FBXW12: variants seen among roughly 807,000 people sequenced by gnomAD.
FBXW12 encodes the protein F-box and WD repeat domain containing 12, also known as F-box/WD repeat-containing protein 12.
In FBXW12, 43 loss-of-function variants were observed where a neutral mutation model predicts 55.3. That is an observed-to-expected ratio of 0.78 (90% confidence interval 0.61 to 1.00). The LOEUF (loss-of-function observed/expected upper bound fraction) is 1.00. FBXW12 is among the 50% of genes least tolerant of loss of function. The pLI, the probability that FBXW12 is intolerant of heterozygous loss-of-function variation, is 0.00. For synonymous variants in FBXW12, 184 were observed against 203.8 expected, an observed-to-expected ratio of 0.90 and a Z score of 0.83; for missense variants, 524 against 560.5, an observed-to-expected ratio of 0.93 and a Z score of 0.66.
At chr3:48,379,853 A>G (rs995149158) in intron 7 of FBXW12, 1 of 337,112 alleles carries the variant, frequency 3.0e-6, no homozygotes, top group African/African-American at 2.1e-5. Context: ...GGTGGCATGC[A>G]CCTATAGTCC....
intron 5 of FBXW12, among the ~76,000 whole-genome samples, chr3:48,376,612 G>T (rs1376746347): frequency 6.6e-6 from 1 of 152,118 alleles, no homozygotes; most frequent in African/African-American, 2.4e-5. Flanking sequence ...CTGTCAGCTT[G>T]GATTTAAAGG....
intron 10 of FBXW12, among the ~76,000 whole-genome samples, chr3:48,391,351 C>CACAT (rs2036925885): frequency 7.0e-6 from 1 of 143,092 alleles, no homozygotes; most frequent in South Asian, 2.4e-4. Context: ...CACACACACA[C>CACAT]ACACATATAT....
At chr3:48,386,948 T>TTA (rs1298099336) in intron 10 of FBXW12, among the ~76,000 whole-genome samples, 2 of 151,608 alleles carry the variant, frequency 1.3e-5, no homozygotes, top group African/African-American at 2.4e-5. Flanking sequence ...CTTCTTTTTT[T>TTA]TTTTTTTAGG....
chr3:48,379,031 CA>C (rs1249839390), intron 6 of FBXW12, among the ~76,000 whole-genome samples: 3 of 152,282 alleles, frequency 2.0e-5, no homozygotes, highest in African/African-American at 4.8e-5. Context: ...CTTCTAAAGA[CA>C]AAAAGCCAAA....
intron 3 of FBXW12, 51 bp from the exon 4 acceptor site, chr3:48,373,497 G>C (rs770603410): frequency 3.7e-5 from 60 of 1,604,686 alleles, no homozygotes; most frequent in Non-Finnish European, 4.9e-5. Context: ...GGGGCTCTGA[G>C]GAGGTGAACT....
chr3:48,379,619 G>A, intron 7 of FBXW12, 61 bp downstream of exon 7: 1 of 1,479,816 alleles, frequency 6.8e-7, no homozygotes, highest in Admixed American at 1.7e-5. Context: ...GAAGCATGCA[G>A]AGAAACTGCA....
chr3:48,391,104 T>C (rs1575364602), intron 10 of FBXW12, among the ~76,000 whole-genome samples: 1 of 23,736 alleles, frequency 4.2e-5, no homozygotes, highest in African/African-American at 2.1e-4. Context: ...ACCCTGTCTC[T>C]ACAAAAAAAA....
chr3:48,376,657 G>A (rs1178431229), intron 5 of FBXW12, among the ~76,000 whole-genome samples: 1 of 152,126 alleles, frequency 6.6e-6, no homozygotes, highest in Non-Finnish European at 1.5e-5. Context: ...AGGCCTTTTG[G>A]ATTTCAAAAC....
chr3:48,394,647 T>C lies in FBXW12; in HGVS notation c.1383T>C (p.Ser461=), dbSNP rs1256388691. The C allele has an allele frequency of 1.9e-6, 3 of 1,562,152 alleles. No individual in the cohort carries two copies. Among genetic ancestry groups the C allele is most frequent in the African/African-American group, 1.4e-5 (1 of 73,726 alleles). Reference sequence around the variant, plus strand: ...ACTCCAGCATTCTGGTGATGTATTCTTTGAATACGTAATATGGAAACTAAC... The same window carrying C: ...ACTCCAGCATTCTGGTGATGTATTCCTTGAATACGTAATATGGAAACTAAC... ...VSDSSILVMY[S]LNT The change falls in exon 11 of 11, where the codon TCT becomes TCC. Residue 461 remains serine, a synonymous_variant. Coordinates refer to ENST00000296438, the MANE Select transcript of FBXW12 (RefSeq NM_207102.2).
At chr3:48,376,081 A>C (rs1261194330) in intron 5 of FBXW12, among the ~76,000 whole-genome samples, 2 of 144,308 alleles carry the variant, frequency 1.4e-5, no homozygotes, top group Non-Finnish European at 3.0e-5. Context: ...TCCCGAGTTC[A>C]AGCGATTCTC....
At chr3:48,374,191 C>T (rs1272907854) in intron 4 of FBXW12, among the ~76,000 whole-genome samples, 1 of 152,048 alleles carries the variant, frequency 6.6e-6, no homozygotes, top group Non-Finnish European at 1.5e-5. Context: ...GCCTGGGTGA[C>T]AGGGCCAGAC....
In FBXW12 at chr3:48,373,538, C is replaced by T; in HGVS notation, c.129-10C>T. The T allele has an allele frequency of 6.2e-7, 1 of 1,611,420 alleles. No individual in the cohort carries two copies. Among genetic ancestry groups the T allele is most frequent in the Non-Finnish European group, 8.5e-7 (1 of 1,177,774 alleles). On this transcript the variant is annotated splice_polypyrimidine_tract_variant and intron_variant, in intron 3 of 10. Transcript: ENST00000296438. ...AGAACAGCCTGATGGGACTGTGACT[C>T]TGTTTCCAGGTCACTATCTCTGCAG... is the stretch of plus-strand genomic sequence containing the variant.
chr3:48,378,013 C>T (rs1211605139), intron 5 of FBXW12, among the ~76,000 whole-genome samples: 1 of 152,060 alleles, frequency 6.6e-6, no homozygotes. Flanking sequence ...CATTAGAAGG[C>T]ATGATAGAAA....
At chr3:48,375,530 AT>A in intron 5 of FBXW12, 58 bp downstream of exon 5, 2 of 1,018,204 alleles carry the variant, frequency 2.0e-6, no homozygotes, top group South Asian at 3.0e-5. Context: ...CCTGTTCTAT[AT>A]ATGAAACGGA....
chr3:48,388,911 T>C (rs1293577535), intron 10 of FBXW12, among the ~76,000 whole-genome samples: 1 of 152,218 alleles, frequency 6.6e-6, no homozygotes, highest in Non-Finnish European at 1.5e-5. Context: ...AAATATACAA[T>C]ATGCTATTAT....
chr3:48,382,522 G>A (rs1020455711), intron 10 of FBXW12, among the ~76,000 whole-genome samples: 3 of 151,944 alleles, frequency 2.0e-5, no homozygotes, highest in Non-Finnish European at 4.4e-5. Context: ...AAAGAGAATC[G>A]CTAGTTCTTG....
At chr3:48,383,832 T>C (rs1275921161) in intron 10 of FBXW12, among the ~76,000 whole-genome samples, 2 of 152,228 alleles carry the variant, frequency 1.3e-5, no homozygotes, top group Non-Finnish European at 2.9e-5. Flanking sequence ...CCTTACTCCG[T>C]TGAATTGCCT....
intron 4 of FBXW12, 30 bp downstream of exon 4, chr3:48,373,735 G>A: frequency 6.3e-7 from 1 of 1,587,928 alleles, no homozygotes; most frequent in Non-Finnish European, 8.6e-7. Flanking sequence ...AGAGGAACAT[G>A]AGCAGCTTGT....
rs779524155 is a variant in FBXW12, at chr3:48,372,869, C to G, written c.90+12C>G. Reference sequence around the variant, plus strand: ...CCCAGGTGAACAAGGTAAAGGCCTTCCACCTCCCACTGCCCCCCAAGCCCG... The same window carrying G: ...CCCAGGTGAACAAGGTAAAGGCCTTGCACCTCCCACTGCCCCCCAAGCCCG... On this transcript the variant is annotated intron_variant, in intron 2 of 10. Coordinates refer to ENST00000296438, the MANE Select transcript of FBXW12 (RefSeq NM_207102.2). 187 of 1,612,006 alleles carry G rather than the reference C, an allele frequency of 1.2e-4. No homozygotes were observed. The highest frequency in any genetic ancestry group is 1.5e-4 in the Non-Finnish European group (180 of 1,178,176).
Sources: gnomAD v4.1 joint callset for allele counts (sites outside exome capture counted in the v4.1 genomes callset) on GRCh38, gnomAD v4.1.1 for gene constraint, MANE v1.5 for transcripts, NCBI Gene and HGNC (gene_info 2026-07-23, HGNC 2026-07-21) for gene names.